Variants in PREX2 observed in about 807,000 individuals in gnomAD.
The protein encoded by PREX2 is phosphatidylinositol 3,4,5-trisphosphate-dependent Rac exchanger 2 protein.
Under a neutral mutation model 203.2 loss-of-function variants are expected in PREX2, and 107 were observed. The ratio of observed to expected loss-of-function variants is 0.53; its 90% CI spans 0.45 to 0.62. The LOEUF (loss-of-function observed/expected upper bound fraction) is 0.62. Ranked by LOEUF, PREX2 falls within the 20% of genes least tolerant of loss-of-function variation. The pLI is 0.00. For synonymous variants in PREX2, 672 were observed against 663.6 expected (o/e 1.01, Z -0.19); for missense variants, 1,777 against 1,955.9 (o/e 0.91, Z 1.72).
chr8:68,196,724 TC>T (rs147198032), intron 37 of PREX2, among the ~76,000 whole-genome samples: 20,116 of 146,580 alleles, frequency 0.14, 1,646 homozygotes, highest in African/African-American at 0.24. Flanking sequence ...GTATGGCACC[TC>T]CCCCCCCCAA....
chr8:68,138,581 G>A, intron 33 of PREX2, 64 bp downstream of exon 33: 2 of 718,212 alleles, frequency 2.8e-6, no homozygotes, highest in Admixed American at 2.6e-5. Flanking sequence ...TATAACTTTG[G>A]TATTAATATA....
At position 68,015,787 on chromosome 8, in the gene PREX2, A is replaced by C. The variant is rs139251658; in HGVS notation, c.142-2059A>C. ...AAAAACAAAACTAAAGCAAAAAATT[A>C]AACAGAATAATACTAATAAATTGAG... is the stretch of plus-strand genomic sequence containing the variant. On this transcript the variant is annotated intron_variant, in intron 1 of 39. Coordinates refer to ENST00000288368, the MANE Select transcript of PREX2 (RefSeq NM_024870.4). Among the ~76,000 whole-genome samples the C allele has an allele frequency of 1.3e-3, 195 of 152,346 alleles. 2 individuals are homozygous for C. The highest frequency in any genetic ancestry group is 4.1e-3 in the African/African-American group (169 of 41,594).
At chr8:67,982,162 G>A (rs1806291848) in intron 1 of PREX2, among the ~76,000 whole-genome samples, 1 of 152,140 alleles carries the variant, frequency 6.6e-6, no homozygotes, top group African/African-American at 2.4e-5. Context: ...TGCATGCGGT[G>A]GCTCACACCT....
chr8:67,981,373 G>C (rs961074587), intron 1 of PREX2, among the ~76,000 whole-genome samples: 2 of 152,210 alleles, frequency 1.3e-5, no homozygotes, highest in African/African-American at 4.8e-5. Flanking sequence ...TGTAGTGGAA[G>C]TCTGAGAACA....
chr8:68,230,365 C>T (rs1813143547), intron 39 of PREX2, among the ~76,000 whole-genome samples: 1 of 152,152 alleles, frequency 6.6e-6, no homozygotes, highest in African/African-American at 2.4e-5. Context: ...AAATCTGCAG[C>T]TTATATTTTG....
chr8:68,081,883 A>G (rs1204185144), intron 17 of PREX2, among the ~76,000 whole-genome samples: 2 of 149,372 alleles, frequency 1.3e-5, no homozygotes, highest in Admixed American at 1.3e-4. Flanking sequence ...TTTTTAATAG[A>G]GACAGGTTTT....
At chr8:68,130,861 G>A (rs1049534931) in intron 31 of PREX2, among the ~76,000 whole-genome samples, 2 of 152,196 alleles carry the variant, frequency 1.3e-5, no homozygotes, top group South Asian at 2.1e-4. Context: ...AAGAGCCCCA[G>A]TACTTCCTTG....
chr8:68,116,499 A>G (rs1252697337), intron 26 of PREX2, among the ~76,000 whole-genome samples: 1 of 152,166 alleles, frequency 6.6e-6, no homozygotes, highest in Non-Finnish European at 1.5e-5. Context: ...ATTATCACAC[A>G]GTTCTGGAGG....
At chr8:68,187,426 A>T (rs1812211391) in intron 35 of PREX2, among the ~76,000 whole-genome samples, 1 of 152,160 alleles carries the variant, frequency 6.6e-6, no homozygotes, top group African/African-American at 2.4e-5. Context: ...TTGTCCAATG[A>T]TGCTTCCCAC....
At chr8:68,101,862 A>G (rs1810273900) in intron 23 of PREX2, among the ~76,000 whole-genome samples, 2 of 152,192 alleles carry the variant, frequency 1.3e-5, no homozygotes, top group Admixed American at 6.5e-5. Context: ...AGAAGTATAC[A>G]TGGAAAATGG....
intron 21 of PREX2, among the ~76,000 whole-genome samples, chr8:68,096,352 T>C (rs12542112): frequency 0.42 from 63,143 of 151,988 alleles, 13,250 homozygotes; most frequent in South Asian, 0.48. Flanking sequence ...AGTAAACTAA[T>C]ATTCTAGTTT....
intron 1 of PREX2, among the ~76,000 whole-genome samples, chr8:67,991,779 T>C (rs1806617046): frequency 6.6e-6 from 1 of 152,140 alleles, no homozygotes. Context: ...GGAGTGGCGA[T>C]GACTGAGGAA....
chr8:67,981,145 A>AT (rs1806257635), intron 1 of PREX2, among the ~76,000 whole-genome samples: 1 of 152,216 alleles, frequency 6.6e-6, no homozygotes, highest in Non-Finnish European at 1.5e-5. Context: ...GTTCACAGTT[A>AT]TTGGGAAAAA....
intron 18 of PREX2, among the ~76,000 whole-genome samples, chr8:68,085,545 A>G (rs947334314): frequency 1.3e-5 from 2 of 152,198 alleles, no homozygotes; most frequent in African/African-American, 4.8e-5. Flanking sequence ...TATATTTCAT[A>G]CTTGATAGCA....
At chr8:68,141,383 A>ATGGATGAGACATGCATGG (rs1321577370) in intron 33 of PREX2, among the ~76,000 whole-genome samples, 3 of 152,192 alleles carry the variant, frequency 2.0e-5, no homozygotes, top group African/African-American at 7.2e-5. Context: ...GGGTGCCATC[A>ATGGATGAGACATGCATGG]TGGATGAGAC....
chr8:68,044,594 A>C lies in PREX2; in HGVS notation c.943+4A>C, dbSNP rs2129610894. The C allele has an allele frequency of 6.3e-7, 1 of 1,598,062 alleles. No homozygotes were observed. The highest frequency in any genetic ancestry group is 1.1e-5 in the South Asian group (1 of 90,518). ...GAGAATGTGGATGATGGCACCGGTA[A>C]GTGATTTGTAGATTTTAAATGGGAT... On this transcript the variant is annotated splice_donor_region_variant and intron_variant, in intron 8 of 39. Transcript: ENST00000288368.
chr8:67,976,790 G>C (rs1326528782), intron 1 of PREX2, among the ~76,000 whole-genome samples: 1 of 133,560 alleles, frequency 7.5e-6, no homozygotes, highest in South Asian at 3.0e-4. Context: ...GAGACAGAGC[G>C]AGAGGGGAGA....
At chr8:68,110,508 T>C (rs939067048) in intron 25 of PREX2, among the ~76,000 whole-genome samples, 2 of 152,198 alleles carry the variant, frequency 1.3e-5, no homozygotes, top group Non-Finnish European at 2.9e-5. Flanking sequence ...TATCCCAAAT[T>C]GGCAGATTCT....
chr8:68,000,417 A>G (rs1389038713), intron 1 of PREX2, among the ~76,000 whole-genome samples: 1 of 152,188 alleles, frequency 6.6e-6, no homozygotes, highest in African/African-American at 2.4e-5. Flanking sequence ...TACAATGGGA[A>G]TTACAAACCA....
Sources: allele counts gnomAD v4.1 joint callset (sites outside exome capture counted in the v4.1 genomes callset), GRCh38; gene constraint gnomAD v4.1.1; transcripts MANE v1.5; gene names NCBI Gene and HGNC (gene_info 2026-07-23, HGNC 2026-07-21).